Variants in FANCB observed in about 807,000 individuals in gnomAD.
FANCB encodes the protein FA complementation group B, also known as Fanconi anemia group B protein.
FANCB carries 5 observed loss-of-function variants against 38.9 expected under a neutral mutation model. The observed-to-expected ratio is 0.13, with a 90% CI of 0.07 to 0.27. The LOEUF (loss-of-function observed/expected upper bound fraction) is 0.27. Among genes scored for constraint, FANCB ranks in the 10% least tolerant of loss-of-function variants. The probability of loss-of-function intolerance (pLI) is 1.00; values close to 1 mark genes in which losing one functional copy is unlikely to be tolerated. For missense variants in FANCB, 573 were observed against 602.7 expected (o/e 0.95, Z 0.52); for synonymous variants, 236 against 215.4 (o/e 1.10, Z -0.84).
intron 2 of FANCB, among the ~76,000 whole-genome samples, chrX:14,867,981 G>A (rs1268900233): frequency 9.0e-6 from 1 of 110,886 alleles, no homozygotes; most frequent in East Asian, 2.8e-4. Flanking sequence ...TAATCATCAG[G>A]GAGACACAAA....
the FANCB span, among the ~76,000 whole-genome samples, chrX:14,778,118 T>G: frequency 8.9e-6 from 1 of 111,997 alleles, no homozygotes; most frequent in South Asian, 3.7e-4. Context: ...AGGGAGGACA[T>G]TTTCTAGCAT....
intron 6 of FANCB, among the ~76,000 whole-genome samples, chrX:14,851,630 G>C (rs908537879): frequency 2.7e-5 from 3 of 111,958 alleles, no homozygotes; most frequent in Non-Finnish European, 3.8e-5. Context: ...CTGCCGCCAG[G>C]TTTGCTTTTA....
the FANCB span, among the ~76,000 whole-genome samples, chrX:14,717,856 A>G: frequency 1.8e-5 from 2 of 110,357 alleles, no homozygotes; most frequent in Non-Finnish European, 3.8e-5. Context: ...CCACTGATTT[A>G]TTGCTTTTAT....
At chrX:14,807,266 A>G in the FANCB span, among the ~76,000 whole-genome samples, 4 of 112,446 alleles carry the variant, frequency 3.6e-5, no homozygotes, top group African/African-American at 1.3e-4. Context: ...CAGCCCCAAC[A>G]ACTATATGTG....
intron 3 of FANCB, among the ~76,000 whole-genome samples, chrX:14,861,624 A>C (rs1285324422): frequency 3.6e-5 from 4 of 111,423 alleles, no homozygotes; most frequent in African/African-American, 1.3e-4. Context: ...AAAATACCAC[A>C]AACAGTAAAT....
At position 14,844,528 on chromosome X, in the gene FANCB, C is replaced by T. The variant is rs868748586; in HGVS notation, c.2140G>A (p.Glu714Lys). 2 of 1,201,213 alleles carry T rather than the reference C, an allele frequency of 1.7e-6. No homozygotes were observed. Among genetic ancestry groups the T allele is most frequent in the East Asian group, 3.0e-5 (1 of 33,796 alleles). Residue 714 changes from glutamate to lysine, a missense_variant, in exon 9 of 10, where the codon GAA becomes AAA. Transcript: ENST00000650831. ...CTGGAATAGATTATTAAAATCCCTT[C>T]GAATGGTGTTCTCTGTTTCCAAGTG... ...LFTWKQRTPF[E>K]GILIIYSRNQ... is the part of the protein sequence containing the mutation.
chrX:14,854,461 A>G (rs188172312), intron 5 of FANCB, among the ~76,000 whole-genome samples: 1 of 111,983 alleles, frequency 8.9e-6, no homozygotes, highest in Admixed American at 9.5e-5. Flanking sequence ...GACACATGGT[A>G]AGAAATTTAA....
chrX:14,848,743 C>T (rs928172263), intron 7 of FANCB, among the ~76,000 whole-genome samples: 10 of 111,404 alleles, frequency 9.0e-5, no homozygotes, highest in African/African-American at 3.3e-4. Context: ...TGTACTTCTA[C>T]ATACAAATGT....
At chrX:14,860,888 AT>A (rs112900425) in intron 3 of FANCB, among the ~76,000 whole-genome samples, 48 of 104,354 alleles carry the variant, frequency 4.6e-4, no homozygotes, top group Non-Finnish European at 4.8e-4. Context: ...TGACAGATGG[AT>A]TTTTTTTTTT....
At chrX:14,777,368 T>G in the FANCB span, among the ~76,000 whole-genome samples, 1 of 111,849 alleles carries the variant, frequency 8.9e-6, no homozygotes, top group Non-Finnish European at 1.9e-5. Context: ...TAGCATATTA[T>G]TTTTCTAGGA....
the FANCB span, among the ~76,000 whole-genome samples, chrX:14,724,328 A>T: frequency 1.8e-5 from 2 of 110,922 alleles, no homozygotes; most frequent in Non-Finnish European, 3.8e-5. Flanking sequence ...AATATTTGTT[A>T]AAAATGTGAG....
At chrX:14,699,776 A>T in the FANCB span, among the ~76,000 whole-genome samples, 1 of 111,302 alleles carries the variant, frequency 9.0e-6, no homozygotes, top group South Asian at 3.9e-4. Context: ...GTCTACCCCC[A>T]TGAGATCAAA....
the FANCB span, among the ~76,000 whole-genome samples, chrX:14,823,108 G>C: frequency 1.3e-5 from 1 of 76,421 alleles, no homozygotes; most frequent in Non-Finnish European, 2.3e-5. Flanking sequence ...TTTGAGACGA[G>C]TTTCGCTCTT....
downstream of FANCB, chrX:14,834,664 G>GT (rs761556172): frequency 3.2e-6 from 2 of 626,902 alleles, no homozygotes; most frequent in Non-Finnish European, 5.2e-6. Flanking sequence ...GTTTTTTCCT[G>GT]TTTTTTGAAG....
intron 10 of FANCB, among the ~76,000 whole-genome samples, chrX:14,837,008 G>A (rs1303139983): frequency 8.9e-6 from 1 of 112,178 alleles, no homozygotes; most frequent in Non-Finnish European, 1.9e-5. Context: ...AGATGTGCAT[G>A]AGAATGTGTT....
At chrX:14,871,964 T>C (rs772157578) in intron 1 of FANCB, among the ~76,000 whole-genome samples, 1 of 110,071 alleles carries the variant, frequency 9.1e-6, no homozygotes, top group African/African-American at 3.3e-5. Flanking sequence ...AGGCAAGGAG[T>C]TTCAGGATCT....
At chrX:14,780,921 A>G in the FANCB span, among the ~76,000 whole-genome samples, 2 of 109,929 alleles carry the variant, frequency 1.8e-5, no homozygotes, top group East Asian at 5.6e-4. Flanking sequence ...TGGTGTCCCA[A>G]TTTTTTCCCC....
At chrX:14,778,517 CAT>C in the FANCB span, among the ~76,000 whole-genome samples, 2 of 111,919 alleles carry the variant, frequency 1.8e-5, no homozygotes, top group Admixed American at 1.9e-4. Context: ...TCCATTGTGT[CAT>C]ATAATAGAGA....
chrX:14,735,021 G>C, the FANCB span, among the ~76,000 whole-genome samples: 1 of 104,857 alleles, frequency 9.5e-6, no homozygotes, highest in African/African-American at 3.5e-5. Context: ...TGATCACTTT[G>C]GCTATTGATG....
Sources: allele counts gnomAD v4.1 joint callset (sites outside exome capture counted in the v4.1 genomes callset), GRCh38; gene constraint gnomAD v4.1.1; transcripts MANE v1.5; gene names NCBI Gene and HGNC (gene_info 2026-07-23, HGNC 2026-07-21).